DENND2C: variants seen among roughly 807,000 people sequenced by gnomAD.
The protein encoded by DENND2C is DENN domain-containing protein 2C.
DENND2C carries 72 observed loss-of-function variants against 112.4 expected under a neutral mutation model. That is an observed-to-expected ratio of 0.64 (90% CI 0.53 to 0.78). The LOEUF (loss-of-function observed/expected upper bound fraction) is 0.78. Ranked by LOEUF, DENND2C falls within the 30% of genes least tolerant of loss-of-function variation. The pLI, the probability that DENND2C is intolerant of heterozygous loss-of-function variation, is 0.00. For missense variants in DENND2C, 992 were observed against 1,113.8 expected, an observed-to-expected ratio of 0.89 and a Z score of 1.56; for synonymous variants, 329 against 381.6, an observed-to-expected ratio of 0.86 and a Z score of 1.61.
chr1:114,639,229 T>C (rs1557954822), intron 3 of DENND2C, among the ~76,000 whole-genome samples: 1 of 152,168 alleles, frequency 6.6e-6, no homozygotes, highest in Non-Finnish European at 1.5e-5. Flanking sequence ...TAGCGTAACA[T>C]GGTGCAACCC....
At chr1:114,623,129 A>T (rs1191325366) in intron 5 of DENND2C, 30 bp from the exon 6 acceptor site, 1 of 1,568,034 alleles carries the variant, frequency 6.4e-7, no homozygotes, top group African/African-American at 1.4e-5. Context: ...AAATGTTTAC[A>T]TGAACATAAT....
intron 3 of DENND2C, among the ~76,000 whole-genome samples, chr1:114,632,218 G>A (rs1656510496): frequency 6.6e-6 from 1 of 152,070 alleles, no homozygotes; most frequent in Non-Finnish European, 1.5e-5. Flanking sequence ...AGAAATGAAG[G>A]GGTCGGGAGT....
chr1:114,633,483 A>C (rs1228763838), intron 3 of DENND2C, among the ~76,000 whole-genome samples: 4 of 150,016 alleles, frequency 2.7e-5, no homozygotes, highest in African/African-American at 9.8e-5. Context: ...GAAGGAAGGA[A>C]GGAATGAAGG....
At chr1:114,630,241 G>C (rs1330704747) in intron 3 of DENND2C, among the ~76,000 whole-genome samples, 1 of 152,024 alleles carries the variant, frequency 6.6e-6, no homozygotes, top group East Asian at 1.9e-4. Flanking sequence ...CCGGGAGGTA[G>C]AGGCTTCAGT....
intron 3 of DENND2C, among the ~76,000 whole-genome samples, chr1:114,643,547 A>G (rs984820494): frequency 5.3e-4 from 81 of 152,288 alleles, no homozygotes; most frequent in African/African-American, 1.9e-3. Flanking sequence ...CAAATCTTCA[A>G]AGCAAGCACA....
chr1:114,649,261 A>G (rs1657091109), intron 2 of DENND2C, among the ~76,000 whole-genome samples: 1 of 152,032 alleles, frequency 6.6e-6, no homozygotes, highest in Non-Finnish European at 1.5e-5. Context: ...GGCACTTTTC[A>G]CTTAATTATC....
chr1:114,618,537 T>C, intron 7 of DENND2C, 55 bp from the exon 8 acceptor site: 1 of 1,040,784 alleles, frequency 9.6e-7, no homozygotes, highest in Admixed American at 2.5e-5. Context: ...AGTTTCACAG[T>C]TTGATGACAT....
chr1:114,643,676 CAT>C (rs915325014), intron 3 of DENND2C, among the ~76,000 whole-genome samples: 7 of 152,064 alleles, frequency 4.6e-5, no homozygotes, highest in Admixed American at 2.0e-4. Flanking sequence ...GCTTATAACA[CAT>C]AATATAAATT....
intron 3 of DENND2C, among the ~76,000 whole-genome samples, chr1:114,636,917 T>C (rs1656673139): frequency 6.6e-6 from 1 of 151,268 alleles, no homozygotes. Context: ...GATTGGAAAA[T>C]GAAATTCAAA....
rs1015106181 is a variant in DENND2C at position 114,587,685 on chromosome 1, T to C, written c.2668+31A>G. On this transcript the variant is annotated intron_variant, in intron 19 of 20. Coordinates refer to ENST00000393274, the MANE Select transcript of DENND2C (RefSeq NM_001256404.2). ...AAAATCTTTCAAGGTATTCACTAAA[T>C]AGAGAGGGAGAACTTTATAATGAAA... 4 of 1,566,168 alleles carry C rather than the reference T, an allele frequency of 2.6e-6. No homozygotes were observed. The African/African-American group carries it at 5.5e-5, about 21-fold the overall frequency.
At chr1:114,637,775 A>G (rs1656698682) in intron 3 of DENND2C, among the ~76,000 whole-genome samples, 1 of 152,160 alleles carries the variant, frequency 6.6e-6, no homozygotes, top group Admixed American at 6.5e-5. Flanking sequence ...TTGGCCTCCC[A>G]AAGTGCTAGG....
chr1:114,618,383 T>C lies in DENND2C; in HGVS notation c.1324+3A>G, dbSNP rs1487172308. 1 of 1,563,016 alleles carries C rather than the reference T, an allele frequency of 6.4e-7. No individual in the cohort carries two copies. Among genetic ancestry groups the C allele is most frequent in the Non-Finnish European group, 8.7e-7 (1 of 1,155,218 alleles). On this transcript the variant is annotated splice_donor_region_variant and intron_variant, in intron 8 of 20. Coordinates refer to ENST00000393274, the MANE Select transcript of DENND2C (RefSeq NM_001256404.2). The stretch of plus-strand genomic sequence containing the variant: ...GATAGCTGGAACGAAAAACAATTCT[T>C]ACCTTTTGTCGGAGGTAATTCCTTT...
chr1:114,623,758 C>T, intron 4 of DENND2C, 115 bp from the exon 5 acceptor site: 1 of 960,792 alleles, frequency 1.0e-6, no homozygotes, highest in South Asian at 2.2e-5. Context: ...TTTTTTGAGA[C>T]AGAATCTCAG....
intron 8 of DENND2C, 51 bp from the exon 9 acceptor site, chr1:114,611,168 C>T (rs756967009): frequency 8.7e-6 from 14 of 1,603,978 alleles, no homozygotes; most frequent in East Asian, 6.7e-5. Context: ...GTAGGAAGTA[C>T]ATGAGGATGA....
chr1:114,616,820 A>G (rs1266879798), intron 8 of DENND2C, among the ~76,000 whole-genome samples: 1 of 152,072 alleles, frequency 6.6e-6, no homozygotes, highest in Non-Finnish European at 1.5e-5. Flanking sequence ...ATGCCATTGC[A>G]CTCCAGCCTT....
intron 3 of DENND2C, among the ~76,000 whole-genome samples, chr1:114,636,078 T>C (rs912346227): frequency 6.6e-6 from 1 of 150,698 alleles, no homozygotes; most frequent in Non-Finnish European, 1.5e-5. Context: ...CATAAATAAA[T>C]ATACAGAAAG....
chr1:114,639,143 A>C (rs1192449752), intron 3 of DENND2C, among the ~76,000 whole-genome samples: 1 of 152,194 alleles, frequency 6.6e-6, no homozygotes, highest in East Asian at 1.9e-4. Flanking sequence ...CTAAAATTAC[A>C]CACCCACTAG....
At chr1:114,589,530 CT>C (rs1026841998) in intron 18 of DENND2C, among the ~76,000 whole-genome samples, 3 of 151,624 alleles carry the variant, frequency 2.0e-5, no homozygotes, top group Admixed American at 6.6e-5. Flanking sequence ...TATCTTTTTT[CT>C]TTTTTTTAAT....
At chr1:114,604,266 T>C (rs1035130488) in intron 11 of DENND2C, among the ~76,000 whole-genome samples, 1 of 152,232 alleles carries the variant, frequency 6.6e-6, no homozygotes, top group Non-Finnish European at 1.5e-5. Context: ...GTGATACGGT[T>C]CAATGAATAA....
Sources: gnomAD v4.1 joint callset for allele counts (sites outside exome capture counted in the v4.1 genomes callset) on GRCh38, gnomAD v4.1.1 for gene constraint, MANE v1.5 for transcripts, NCBI Gene and HGNC (gene_info 2026-07-23, HGNC 2026-07-21) for gene names.